PLB1: variants seen among roughly 807,000 people sequenced by gnomAD.
PLB1 encodes phospholipase B1.
In PLB1, 242 loss-of-function variants were observed where a neutral mutation model predicts 227.4. That is an observed-to-expected ratio of 1.06 (90% CI 0.96 to 1.18). The LOEUF (loss-of-function observed/expected upper bound fraction) is 1.18. PLB1 is among the 50% of genes most tolerant of loss of function. PLB1 has a pLI of 0.00. For synonymous variants in PLB1, 757 were observed against 682.2 expected (o/e 1.11, Z -1.71); for missense variants, 1,858 against 1,816.3 (o/e 1.02, Z -0.42).
At chr2:28,582,304 A>G in intron 24 of PLB1, 101 bp from the exon 25 acceptor site, 1 of 1,200,602 alleles carries the variant, frequency 8.3e-7, no homozygotes, top group African/African-American at 1.5e-5. Context: ...GGCAGATGGA[A>G]GTCCCTAGAT....
intron 42 of PLB1, among the ~76,000 whole-genome samples, chr2:28,606,227 A>G (rs1237141165): frequency 6.6e-6 from 1 of 152,118 alleles, no homozygotes; most frequent in Non-Finnish European, 1.5e-5. Flanking sequence ...GCCGGCCACC[A>G]TGTTAGGCAG....
At chr2:28,570,490 A>C (rs2338442) in intron 20 of PLB1, among the ~76,000 whole-genome samples, 2,733 of 149,148 alleles carry the variant, frequency 0.018, 83 homozygotes, top group African/African-American at 0.057. Flanking sequence ...TTAATGATAG[A>C]AACACTCAAC....
intron 33 of PLB1, 93 bp downstream of exon 33, chr2:28,593,847 G>T: frequency 8.5e-7 from 1 of 1,177,290 alleles, no homozygotes; most frequent in Admixed American, 2.0e-5. Context: ...CCCAGAGGTC[G>T]AAGACTTGGT....
chr2:28,545,317 A>C (rs923246128), intron 14 of PLB1, among the ~76,000 whole-genome samples: 24 of 152,300 alleles, frequency 1.6e-4, no homozygotes, highest in African/African-American at 5.8e-4. Context: ...AGGGAGAGAC[A>C]GGATAGGAGG....
chr2:28,641,345 C>T (rs182236393), intron 57 of PLB1, among the ~76,000 whole-genome samples: 12 of 152,322 alleles, frequency 7.9e-5, no homozygotes, highest in Admixed American at 3.3e-4. Context: ...TGGTGGCTCA[C>T]GCCTATAATC....
intron 56 of PLB1, among the ~76,000 whole-genome samples, chr2:28,639,593 A>T (rs983956738): frequency 6.6e-6 from 1 of 152,206 alleles, no homozygotes; most frequent in Non-Finnish European, 1.5e-5. Context: ...TTGTGTACTG[A>T]CGAGAAGGAA....
Position 28,598,761 on chromosome 2 carries a change from G to GT in PLB1, c.2474+2dup, listed in dbSNP as rs1410187020. 5 of 1,611,410 alleles carry GT rather than the reference G, an allele frequency of 3.1e-6. No homozygotes were observed. The African/African-American group carries it at 6.7e-5, about 22-fold the overall frequency. On this transcript the variant is annotated splice_donor_variant, in intron 35 of 57. Transcript: ENST00000327757. LOFTEE classifies it high-confidence loss of function. ...AAGCTGTTCCCGGAGCAAAGGCTGA[G>GT]TATGGCATTTGGGGAGGGAGGGAGC... is the stretch of plus-strand genomic sequence containing the variant.
At chr2:28,606,810 A>T (rs969632242) in intron 43 of PLB1, among the ~76,000 whole-genome samples, 1 of 152,160 alleles carries the variant, frequency 6.6e-6, no homozygotes, top group East Asian at 1.9e-4. Flanking sequence ...GCCCCAGCAG[A>T]GGGAGAGGAT....
rs1044783619 is a variant in PLB1, at chr2:28,598,575, T to C, written c.2366-77T>C. The C allele has an allele frequency of 4.3e-6, 5 of 1,175,088 alleles. No homozygotes were observed. In the African/African-American group the frequency reaches 7.6e-5, roughly 18 times the overall value. The allele number at this position is 1,175,088 out of a possible 1,614,324, so 72.8% of individuals were successfully genotyped here. ...GATAACACAGCCCACTTTGGGGACCTAGGTCCCACAGTACCAGAGAAGCTA... is the reference window on the plus strand; with the variant it reads ...GATAACACAGCCCACTTTGGGGACCCAGGTCCCACAGTACCAGAGAAGCTA... On this transcript the variant is annotated intron_variant, in intron 34 of 57. Coordinates refer to ENST00000327757, the MANE Select transcript of PLB1 (RefSeq NM_153021.5).
rs1425971858 is a variant in PLB1, at chr2:28,565,356, G to C, written c.1280+3G>C. 2 of 1,603,730 alleles carry C rather than the reference G, an allele frequency of 1.2e-6. No homozygotes were observed. Among genetic ancestry groups the C allele is most frequent in the Non-Finnish European group, 1.7e-6 (2 of 1,175,212 alleles). On this transcript the variant is annotated splice_donor_region_variant and intron_variant, in intron 19 of 57. Coordinates refer to ENST00000327757, the MANE Select transcript of PLB1 (RefSeq NM_153021.5). ...CAGTACCGAGGCCTGTCCTGGAGGT[G>C]AGTGAGGGTGTGGCAAGGCCCCAAA...
chr2:28,593,772 C>T lies in PLB1; in HGVS notation c.2321+18C>T. 1 of 1,606,058 alleles carries T rather than the reference C, an allele frequency of 6.2e-7. No homozygotes were observed. The highest frequency in any genetic ancestry group is 8.5e-7 in the Non-Finnish European group (1 of 1,173,206). ...TCATACAGGTAATGTTAACCTTTGA[C>T]CTCTCCCAGCGTTCCCCCCACAACA... On this transcript the variant is annotated intron_variant, in intron 33 of 57. Transcript: ENST00000327757.
At chr2:28,633,225 CTTTGAAAGTTAT>C (rs775253149) in intron 56 of PLB1, 186 bp downstream of exon 56, 32 of 570,600 alleles carry the variant, frequency 5.6e-5, no homozygotes, top group Admixed American at 1.0e-4. Context: ...ATCCAACACC[CTTTGAAAGTTAT>C]ACAAACACAC....
rs188321529 is a variant in PLB1 at position 28,554,366 on chromosome 2, T to G, written c.1147+1375T>G. 3.1e-3 allele frequency among the ~76,000 whole-genome samples: 469 copies of G among 151,904 alleles called. 1 individual carries two copies. Among genetic ancestry groups the G allele is most frequent in the African/African-American group, 0.011 (455 of 41,454 alleles). The stretch of plus-strand genomic sequence containing the variant: ...TTTTTGAAACACGGTCTTACTCTGT[T>G]GCCCAGGCTGGAGTACAGTGGCATG... On this transcript the variant is annotated intron_variant, in intron 17 of 57. Coordinates refer to ENST00000327757, the MANE Select transcript of PLB1 (RefSeq NM_153021.5).
Position 28,634,358 on chromosome 2 carries a change from CTT to C in PLB1, c.4098+1321_4098+1322del, listed in dbSNP as rs143319628. Among the ~76,000 whole-genome samples the C allele has an allele frequency of 4.7e-3, 709 of 152,232 alleles. 6 individuals carry two copies. Among genetic ancestry groups the C allele is most frequent in the African/African-American group, 0.016 (674 of 41,530 alleles). On this transcript the variant is annotated intron_variant, in intron 56 of 57. Coordinates refer to ENST00000327757, the MANE Select transcript of PLB1 (RefSeq NM_153021.5). Reference sequence around the variant, plus strand: ...GTCCTTCACTGGCTGAATCATGTGACTTTATTCCTTTGTAAAAATCTTCCCAA... The same window carrying C: ...GTCCTTCACTGGCTGAATCATGTGACTATTCCTTTGTAAAAATCTTCCCAA...
At chr2:28,551,786 A>G (rs1254721435) in intron 16 of PLB1, among the ~76,000 whole-genome samples, 1 of 152,236 alleles carries the variant, frequency 6.6e-6, no homozygotes, top group East Asian at 1.9e-4. Context: ...AGTAAGTATA[A>G]AGCACTTATA....
At chr2:28,576,251 C>A (rs1453740839) in intron 21 of PLB1, among the ~76,000 whole-genome samples, 2 of 152,194 alleles carry the variant, frequency 1.3e-5, no homozygotes, top group Non-Finnish European at 2.9e-5. Flanking sequence ...ACAAATGCAT[C>A]GACTTGACCA....
At chr2:28,526,036 CAGCCACTTTATCACTGG>C in intron 6 of PLB1, 91 bp downstream of exon 6, 2 of 1,434,098 alleles carry the variant, frequency 1.4e-6, no homozygotes, top group Non-Finnish European at 9.8e-7. Flanking sequence ...TGGACACCAC[CAGCCACTTTATCACTGG>C]AGCCCAGGAG....
chr2:28,593,304 G>A (rs1682316117), intron 32 of PLB1, among the ~76,000 whole-genome samples: 1 of 152,226 alleles, frequency 6.6e-6, no homozygotes, highest in South Asian at 2.1e-4. Flanking sequence ...TTAAGCCAAT[G>A]AGCTCTCTCT....
Position 28,589,698 on chromosome 2 carries a change from C to A in PLB1, c.1944C>A (p.Phe648Leu). ...AGGAAGGATTGCCTGACAACTCTTT[C>A]TTCGCTCCTGACTGTTTCCACTTCA... ...KTSEGLPDNS[F>L]FAPDCFHFSS... The change falls in exon 28 of 58, where the codon TTC becomes TTA. Residue 648 changes from phenylalanine (F) to leucine (L), a missense_variant. Physicochemically the swap from Phe to Leu is conservative, Grantham distance 22. Coordinates refer to ENST00000327757, the MANE Select transcript of PLB1 (RefSeq NM_153021.5). The A allele has an allele frequency of 6.2e-7, 1 of 1,614,114 alleles. No homozygotes were observed. The highest frequency in any genetic ancestry group is 8.5e-7 in the Non-Finnish European group (1 of 1,180,030).
Sources: allele counts gnomAD v4.1 joint callset (sites outside exome capture counted in the v4.1 genomes callset), GRCh38; gene constraint gnomAD v4.1.1; transcripts MANE v1.5; gene names NCBI Gene and HGNC (gene_info 2026-07-23, HGNC 2026-07-21).